Variants in BLTP1 observed in about 807,000 individuals in gnomAD.
BLTP1 encodes the protein fragile site-associated protein.
At chr4:122,346,512 A>G in the BLTP1 span, 1 of 1,442,940 alleles carries the variant, frequency 6.9e-7, no homozygotes, top group Non-Finnish European at 9.1e-7. Context: ...ACTAATCATA[A>G]TATGTAACTT....
At chr4:122,348,560 T>G in the BLTP1 span, 1 of 1,582,308 alleles carries the variant, frequency 6.3e-7, no homozygotes, top group Non-Finnish European at 8.6e-7. Flanking sequence ...GATTTTTCTA[T>G]TTTTAGATTC....
the BLTP1 span, among the ~76,000 whole-genome samples, chr4:122,183,789 T>G: frequency 4.6e-5 from 7 of 151,900 alleles, no homozygotes; most frequent in African/African-American, 1.7e-4. Context: ...CATGGGATAT[T>G]AGTTCAAATG....
At chr4:122,334,481 A>G in the BLTP1 span, 1 of 1,612,430 alleles carries the variant, frequency 6.2e-7, no homozygotes, top group Non-Finnish European at 8.5e-7. Flanking sequence ...CTCCTCCTTT[A>G]CCTTCCACTG....
chr4:122,187,875 G>GT, the BLTP1 span: 1 of 1,548,688 alleles, frequency 6.5e-7, no homozygotes, highest in Non-Finnish European at 8.6e-7. Flanking sequence ...TCTCTTATCT[G>GT]TTTATTTTTT....
At chr4:122,246,185 A>G in the BLTP1 span, 1 of 1,597,494 alleles carries the variant, frequency 6.3e-7, no homozygotes, top group East Asian at 2.3e-5. Context: ...AGGAACAAAA[A>G]CTGAGCAGTC....
chr4:122,270,960 G>C, the BLTP1 span: 2 of 1,487,170 alleles, frequency 1.3e-6, no homozygotes, highest in Non-Finnish European at 1.8e-6. Context: ...TAATAAAGAT[G>C]TATGTTTCTG....
At chr4:122,154,186 T>TG in the BLTP1 span, 1 of 932,844 alleles carries the variant, frequency 1.1e-6, no homozygotes, top group Non-Finnish European at 1.3e-6. Context: ...TTTTTTTTTT[T>TG]TTTTTTTGAG....
At chr4:122,307,841 G>C in the BLTP1 span, 1 of 1,512,338 alleles carries the variant, frequency 6.6e-7, no homozygotes. Flanking sequence ...TTTTCTGGGT[G>C]TAATTTTTAT....
the BLTP1 span, chr4:122,206,958 C>G: frequency 1.8e-6 from 1 of 557,968 alleles, no homozygotes; most frequent in Non-Finnish European, 3.0e-6. Flanking sequence ...TATTTAAATA[C>G]ATCCTAATCA....
At chr4:122,325,266 C>A in the BLTP1 span, 1 of 1,609,236 alleles carries the variant, frequency 6.2e-7, no homozygotes, top group Non-Finnish European at 8.5e-7. Context: ...TCCCAGAAAT[C>A]CGTGTGGATG....
the BLTP1 span, chr4:122,170,704 T>A: frequency 4.4e-6 from 7 of 1,600,162 alleles, no homozygotes; most frequent in Non-Finnish European, 6.0e-6. Flanking sequence ...TAGAAGATTT[T>A]CTTACAGAAC....
the BLTP1 span, among the ~76,000 whole-genome samples, chr4:122,203,142 A>T: frequency 8.6e-5 from 13 of 151,976 alleles, no homozygotes; most frequent in Non-Finnish European, 1.6e-4. Context: ...TGCTTTGTCT[A>T]TTGTTGGAAT....
At chr4:122,179,980 A>G in the BLTP1 span, 2 of 985,078 alleles carry the variant, frequency 2.0e-6, no homozygotes, top group Non-Finnish European at 2.4e-6. Context: ...TCCAAAAGAC[A>G]GGCACTTCTT....
At chr4:122,267,948 G>C in the BLTP1 span, among the ~76,000 whole-genome samples, 1 of 151,990 alleles carries the variant, frequency 6.6e-6, no homozygotes, top group African/African-American at 2.4e-5. Flanking sequence ...TAAAATACTT[G>C]TGTCTGATAT....
the BLTP1 span, chr4:122,281,421 A>C: frequency 5.9e-6 from 8 of 1,365,716 alleles, no homozygotes; most frequent in African/African-American, 1.2e-4. Flanking sequence ...ATTGGAAAGA[A>C]AACATCTATT....
chr4:122,280,074 G>A, the BLTP1 span: 2 of 1,586,312 alleles, frequency 1.3e-6, no homozygotes, highest in South Asian at 1.1e-5. Flanking sequence ...GGAGATGAAG[G>A]GTTACTTCTA....
the BLTP1 span, chr4:122,300,790 C>T: frequency 4.4e-6 from 2 of 457,234 alleles, no homozygotes; most frequent in Non-Finnish European, 5.7e-6. Flanking sequence ...AAAGATTAAT[C>T]ATTGTAAGAA....
At chr4:122,362,246 A>G in the BLTP1 span, 1 of 1,610,096 alleles carries the variant, frequency 6.2e-7, no homozygotes, top group Non-Finnish European at 8.5e-7. Context: ...GAAGAACACT[A>G]AAAAAGTAAT....
At chr4:122,356,102 T>G in the BLTP1 span, 1 of 771,528 alleles carries the variant, frequency 1.3e-6, no homozygotes, top group Non-Finnish European at 2.0e-6. Flanking sequence ...ATTAATTTTC[T>G]AGGCAAAATT....
Sources: allele counts gnomAD v4.1 joint callset (sites outside exome capture counted in the v4.1 genomes callset), GRCh38; gene constraint gnomAD v4.1.1; transcripts MANE v1.5; gene names NCBI Gene and HGNC (gene_info 2026-07-23, HGNC 2026-07-21).